The following CNNM2 variants were observed in gnomAD, a reference collection of about 807,000 sequenced individuals.
The protein encoded by CNNM2 is cyclin and CBS domain divalent metal cation transport mediator 2.
Under a neutral mutation model 66.9 loss-of-function variants are expected in CNNM2, and 12 were observed. The ratio of observed to expected loss-of-function variants is 0.18; its 90% confidence interval spans 0.11 to 0.29. CNNM2 has a LOEUF of 0.29. Ranked by LOEUF, CNNM2 falls within the 10% of genes least tolerant of loss-of-function variation. The pLI is 1.00. For synonymous variants in CNNM2, 557 were observed against 501.8 expected, an observed-to-expected ratio of 1.11 and a Z score of -1.47; for missense variants, 705 against 1,167.7, an observed-to-expected ratio of 0.60 and a Z score of 5.77.
intron 1 of CNNM2, among the ~76,000 whole-genome samples, chr10:103,010,310 G>A (rs540027234): frequency 3.4e-5 from 5 of 148,312 alleles, no homozygotes; most frequent in South Asian, 2.2e-4. Flanking sequence ...CAATCATGGC[G>A]CACTACAGCC....
intron 1 of CNNM2, among the ~76,000 whole-genome samples, chr10:102,982,582 C>G (rs949164892): frequency 3.3e-5 from 5 of 152,204 alleles, no homozygotes; most frequent in Non-Finnish European, 5.9e-5. Flanking sequence ...CTGCATTCCC[C>G]TGTGTAATCA....
intron 1 of CNNM2, among the ~76,000 whole-genome samples, chr10:102,964,487 C>T (rs777782054): frequency 6.6e-5 from 10 of 152,198 alleles, no homozygotes; most frequent in East Asian, 3.9e-4. Flanking sequence ...CTTCGGCCTC[C>T]GAAAGAGCTG....
Position 103,018,115 on chromosome 10 carries a change from C to A in CNNM2, c.1622-31592C>A, listed in dbSNP as rs11191516. ...TACCCTTTAGAAAAGATTACTTTGG[C>A]TTTTCTGCAAAGGACTTACTGTGGA... On this transcript the variant is annotated intron_variant, in intron 1 of 7. Transcript: ENST00000369878. Among the ~76,000 whole-genome samples the A allele has an allele frequency of 0.2, 30,849 of 151,872 alleles. 3,282 individuals carry two copies. Among genetic ancestry groups the A allele is most frequent in the Non-Finnish European group, 0.22 (15,055 of 67,924 alleles).
At chr10:102,935,830 G>C (rs1846220083) in intron 1 of CNNM2, among the ~76,000 whole-genome samples, 1 of 144,728 alleles carries the variant, frequency 6.9e-6, no homozygotes. Context: ...TGTTGCCCAG[G>C]CTGGTCTTTA....
chr10:103,072,030 G>A (rs2065592346), intron 6 of CNNM2, among the ~76,000 whole-genome samples, 191 bp downstream of exon 6: 1 of 152,200 alleles, frequency 6.6e-6, no homozygotes, highest in African/African-American at 2.4e-5. Flanking sequence ...CAGGTGGAGA[G>A]TCCAGAACAG....
At chr10:103,076,572 G>A (rs1194717141) in intron 7 of CNNM2, among the ~76,000 whole-genome samples, 3 of 152,220 alleles carry the variant, frequency 2.0e-5, no homozygotes, top group African/African-American at 4.8e-5. Context: ...GCTCCTGGGT[G>A]CGTGGCTCCC....
At chr10:102,935,773 G>A (rs1464204099) in intron 1 of CNNM2, among the ~76,000 whole-genome samples, 1 of 128,936 alleles carries the variant, frequency 7.8e-6, no homozygotes, top group African/African-American at 2.9e-5. Flanking sequence ...ACTGCACCTG[G>A]CTTTTTTTTT....
intron 1 of CNNM2, among the ~76,000 whole-genome samples, chr10:103,002,421 A>G (rs966068375): frequency 6.6e-6 from 1 of 152,120 alleles, no homozygotes; most frequent in Non-Finnish European, 1.5e-5. Context: ...TAGGACGGCT[A>G]TAATAGAAAA....
rs1408458827 is a variant in CNNM2, at chr10:102,919,194, C to T, written c.714C>T (p.Gly238=). Residue 238 remains glycine (G), a synonymous_variant, in exon 1 of 8, where the codon GGC becomes GGT. Coordinates refer to ENST00000369878, the MANE Select transcript of CNNM2 (RefSeq NM_017649.5). The part of the protein sequence containing the change: ...WAETTWIYHD[G]EDTKMIVGEE... ...AGACCACCTGGATTTACCACGACGG[C>T]GAGGACACCAAGATGATCGTAGGCG... 1 of 1,612,134 alleles carries T rather than the reference C, an allele frequency of 6.2e-7. No individual in the cohort carries two copies. The highest frequency in any genetic ancestry group is 8.5e-7 in the Non-Finnish European group (1 of 1,180,002).
chr10:102,960,424 A>G (rs2063361444), intron 1 of CNNM2, among the ~76,000 whole-genome samples: 1 of 152,212 alleles, frequency 6.6e-6, no homozygotes, highest in Non-Finnish European at 1.5e-5. Flanking sequence ...TTTAACTATT[A>G]AAAGTAATGC....
chr10:102,934,392 T>C (rs1846164829), intron 1 of CNNM2, among the ~76,000 whole-genome samples: 1 of 150,882 alleles, frequency 6.6e-6, no homozygotes, highest in Admixed American at 6.6e-5. Context: ...GCGATTCTCC[T>C]GCCTCAGCCT....
chr10:102,979,453 A>C (rs144148970), intron 1 of CNNM2, among the ~76,000 whole-genome samples: 2 of 152,206 alleles, frequency 1.3e-5, no homozygotes, highest in Non-Finnish European at 2.9e-5. Flanking sequence ...GCTTAAATTC[A>C]GATGTCTGCT....
chr10:103,044,896 C>T (rs1182086676), intron 1 of CNNM2, among the ~76,000 whole-genome samples: 1 of 152,180 alleles, frequency 6.6e-6, no homozygotes, highest in Admixed American at 6.5e-5. Flanking sequence ...CCCTTTCCAG[C>T]CAAATCTGTC....
chr10:103,027,437 A>T (rs2064728570), intron 1 of CNNM2: 1 of 152,220 alleles, frequency 6.6e-6, no homozygotes, highest in African/African-American at 2.4e-5. Context: ...TCATCCAGTA[A>T]GCGGGAGCAA....
intron 1 of CNNM2, among the ~76,000 whole-genome samples, chr10:102,943,968 T>C (rs1225210251): frequency 6.6e-6 from 1 of 152,170 alleles, no homozygotes; most frequent in East Asian, 1.9e-4. Flanking sequence ...CTATACCCCT[T>C]ATACCTAAGG....
intron 1 of CNNM2, among the ~76,000 whole-genome samples, chr10:103,035,127 A>G (rs2064911653): frequency 6.6e-6 from 1 of 152,120 alleles, no homozygotes; most frequent in Non-Finnish European, 1.5e-5. Flanking sequence ...TTGAAAAATA[A>G]AAAATAACTC....
At chr10:102,999,049 CA>C (rs547272823) in intron 1 of CNNM2, among the ~76,000 whole-genome samples, 1 of 149,326 alleles carries the variant, frequency 6.7e-6, no homozygotes, top group Non-Finnish European at 1.5e-5. Flanking sequence ...GGATTACAGG[CA>C]AAAAAATCGC....
At chr10:102,998,982 A>G (rs2064057588) in intron 1 of CNNM2, among the ~76,000 whole-genome samples, 1 of 152,124 alleles carries the variant, frequency 6.6e-6, no homozygotes, top group African/African-American at 2.4e-5. Context: ...CGGGCTCACT[A>G]CAGCCTCTGC....
intron 1 of CNNM2, among the ~76,000 whole-genome samples, chr10:103,008,486 T>C (rs921107783): frequency 2.6e-5 from 4 of 152,100 alleles, no homozygotes; most frequent in Non-Finnish European, 5.9e-5. Context: ...GAGTTTCAAG[T>C]GTTTAACTTT....
Sources: gnomAD v4.1 joint callset for allele counts (sites outside exome capture counted in the v4.1 genomes callset) on GRCh38, gnomAD v4.1.1 for gene constraint, MANE v1.5 for transcripts, NCBI Gene and HGNC (gene_info 2026-07-23, HGNC 2026-07-21) for gene names.